GRIK4: variants seen among roughly 807,000 people sequenced by gnomAD.
GRIK4 encodes the protein glutamate receptor ionotropic, kainate 4.
Under a neutral mutation model 104.9 loss-of-function variants are expected in GRIK4, and 40 were observed. The ratio of observed to expected loss-of-function variants is 0.38; its 90% CI spans 0.30 to 0.50. GRIK4 has a LOEUF of 0.50. Among genes scored for constraint, GRIK4 ranks in the 20% least tolerant of loss-of-function variants. The pLI is 0.93. For synonymous variants in GRIK4, 485 were observed against 524.9 expected, an observed-to-expected ratio of 0.92 and a Z score of 1.04; for missense variants, 1,047 against 1,308.1, an observed-to-expected ratio of 0.80 and a Z score of 3.08.
chr11:120,820,123 GAGAA>G (rs762160573), intron 6 of GRIK4, among the ~76,000 whole-genome samples: 2 of 151,502 alleles, frequency 1.3e-5, no homozygotes, highest in Non-Finnish European at 2.9e-5. Context: ...GTGTTTAAGA[GAGAA>G]AGAGAAAAAG....
intron 9 of GRIK4, among the ~76,000 whole-genome samples, chr11:120,867,368 G>T (rs1273819739): frequency 6.6e-6 from 1 of 152,070 alleles, no homozygotes; most frequent in Non-Finnish European, 1.5e-5. Flanking sequence ...AAAAAGCCTG[G>T]TTCTGTCCCC....
intron 13 of GRIK4, among the ~76,000 whole-genome samples, chr11:120,938,985 T>C (rs1225549477): frequency 3.3e-5 from 5 of 152,170 alleles, no homozygotes; most frequent in African/African-American, 4.8e-5. Flanking sequence ...AGAACCACCA[T>C]AGAGGATTGC....
chr11:120,721,212 G>A (rs949322666), intron 3 of GRIK4, among the ~76,000 whole-genome samples: 6 of 152,186 alleles, frequency 3.9e-5, no homozygotes, highest in Non-Finnish European at 7.4e-5. Flanking sequence ...TGGAGCAGGT[G>A]ATCTCTAAGC....
intron 3 of GRIK4, among the ~76,000 whole-genome samples, chr11:120,757,123 G>A (rs565846260): frequency 2.0e-5 from 3 of 152,330 alleles, no homozygotes; most frequent in Admixed American, 1.3e-4. Context: ...GAGTTGGCCT[G>A]AGAGGTTTTG....
At chr11:120,815,262 C>A in intron 4 of GRIK4, 116 bp from the exon 5 acceptor site, 1 of 654,614 alleles carries the variant, frequency 1.5e-6, no homozygotes, top group Non-Finnish European at 2.7e-6. Context: ...GGGGCCTGGG[C>A]AGCGGGTGTG....
At chr11:120,808,266 C>G (rs12271786) in intron 4 of GRIK4, among the ~76,000 whole-genome samples, 17,748 of 152,020 alleles carry the variant, frequency 0.12, 3,288 homozygotes, top group African/African-American at 0.39. Flanking sequence ...TCCTATGTCT[C>G]ACAGCCCTCC....
intron 1 of GRIK4, among the ~76,000 whole-genome samples, chr11:120,617,525 A>G (rs1241535606): frequency 1.3e-5 from 2 of 152,096 alleles, no homozygotes; most frequent in African/African-American, 4.8e-5. Flanking sequence ...GACCATAGAC[A>G]TGTGCCACTA....
intron 4 of GRIK4, among the ~76,000 whole-genome samples, chr11:120,806,320 C>G (rs557527358): frequency 6.6e-6 from 1 of 152,312 alleles, no homozygotes; most frequent in African/African-American, 2.4e-5. Context: ...ATTGGATATT[C>G]CCCTTCTCCT....
At chr11:120,523,996 G>A (rs974177946) in intron 1 of GRIK4, among the ~76,000 whole-genome samples, 5 of 151,160 alleles carry the variant, frequency 3.3e-5, no homozygotes, top group African/African-American at 9.7e-5. Context: ...GCACGATCTC[G>A]GCTCACTGCA....
chr11:120,899,269 A>G (rs753479793), intron 12 of GRIK4, among the ~76,000 whole-genome samples: 4 of 151,934 alleles, frequency 2.6e-5, no homozygotes, highest in South Asian at 2.1e-4. Flanking sequence ...AAAAATAGAA[A>G]AATTAGCTGG....
intron 1 of GRIK4, among the ~76,000 whole-genome samples, chr11:120,604,226 C>G (rs1014271773): frequency 5.4e-5 from 8 of 148,074 alleles, no homozygotes; most frequent in Admixed American, 1.3e-4. Flanking sequence ...CGTTTGGAAG[C>G]TACTAACATT....
At chr11:120,590,721 A>G (rs1368888518) in intron 1 of GRIK4, among the ~76,000 whole-genome samples, 1 of 152,194 alleles carries the variant, frequency 6.6e-6, no homozygotes, top group African/African-American at 2.4e-5. Context: ...CCTCAGAAGC[A>G]GCTTCTGCCA....
intron 8 of GRIK4, among the ~76,000 whole-genome samples, chr11:120,854,323 T>TTAAG (rs1954050300): frequency 1.3e-5 from 2 of 151,878 alleles, no homozygotes; most frequent in Non-Finnish European, 1.5e-5. Context: ...GTTAAGGGGG[T>TTAAG]TAAGGATTTT....
intron 1 of GRIK4, among the ~76,000 whole-genome samples, chr11:120,547,103 G>T (rs1375048790): frequency 6.6e-6 from 1 of 152,138 alleles, no homozygotes; most frequent in Non-Finnish European, 1.5e-5. Flanking sequence ...TCCTTTGCGT[G>T]GACAGTCCCT....
intron 3 of GRIK4, among the ~76,000 whole-genome samples, chr11:120,742,861 A>G (rs751682423): frequency 2.0e-5 from 3 of 152,202 alleles, no homozygotes; most frequent in African/African-American, 4.8e-5. Flanking sequence ...CATGGGATCA[A>G]CCTAAATGCC....
intron 3 of GRIK4, among the ~76,000 whole-genome samples, chr11:120,724,092 G>C (rs570549893): frequency 6.6e-6 from 1 of 152,146 alleles, no homozygotes; most frequent in African/African-American, 2.4e-5. Flanking sequence ...TTCAGTTAGC[G>C]TAATGCATTT....
intron 3 of GRIK4, among the ~76,000 whole-genome samples, chr11:120,736,030 T>C (rs1313033162): frequency 1.3e-5 from 2 of 152,042 alleles, no homozygotes; most frequent in African/African-American, 4.8e-5. Flanking sequence ...TCTATCCTCC[T>C]GTGGCCGAGC....
intron 11 of GRIK4, among the ~76,000 whole-genome samples, chr11:120,877,924 C>T (rs1392240619): frequency 6.6e-6 from 1 of 152,192 alleles, no homozygotes; most frequent in Non-Finnish European, 1.5e-5. Flanking sequence ...AGTGGCAGAG[C>T]TGGCTGGTAG....
chr11:120,879,573 A>T (rs1226312523), intron 11 of GRIK4, among the ~76,000 whole-genome samples: 4 of 152,230 alleles, frequency 2.6e-5, no homozygotes, highest in Admixed American at 2.6e-4. Flanking sequence ...TTTAAAAATG[A>T]CTATTTTGAT....
Sources: gnomAD v4.1 joint callset for allele counts (sites outside exome capture counted in the v4.1 genomes callset) on GRCh38, gnomAD v4.1.1 for gene constraint, MANE v1.5 for transcripts, NCBI Gene and HGNC (gene_info 2026-07-23, HGNC 2026-07-21) for gene names.